The following ADAMTSL4 variants were observed in gnomAD, a reference collection of about 807,000 sequenced individuals.
The protein encoded by ADAMTSL4 is ADAMTS like 4, also known as ADAMTS-like protein 4.
In ADAMTSL4, 97 loss-of-function variants were observed where a neutral mutation model predicts 122.8. The observed-to-expected ratio is 0.79, with a 90% confidence interval of 0.67 to 0.93. The LOEUF (loss-of-function observed/expected upper bound fraction) is 0.93. ADAMTSL4 is among the 40% of genes least tolerant of loss of function. The probability of loss-of-function intolerance (pLI) is 0.00; values close to 1 mark genes in which losing one functional copy is unlikely to be tolerated. For synonymous variants in ADAMTSL4, 592 were observed against 568.0 expected (o/e 1.04, Z -0.60); for missense variants, 1,408 against 1,453.5 (o/e 0.97, Z 0.51).
chr1:150,552,058 C>T lies in ADAMTSL4; in HGVS notation c.-84-147C>T. 1 of 589,064 alleles carries T rather than the reference C, an allele frequency of 1.7e-6. No individual in the cohort carries two copies. The highest frequency in any genetic ancestry group is 1.9e-5 in the African/African-American group (1 of 53,730). 36.5% of individuals were successfully genotyped at this position (589,064 alleles called of 1,614,324 possible). On this transcript the variant is annotated intron_variant, in intron 2 of 18. Transcript: ENST00000271643. This position sits in a 1 kb window ranked among gnomAD's most constrained non-coding sequence, Gnocchi z 4.0. ...TGACCATGTAGCCTCTACAGATGGA[C>T]AAGGCAGTGATCCTCCCTGCTCCCA... is the stretch of plus-strand genomic sequence containing the variant.
rs2101584165 is a variant in ADAMTSL4, at chr1:150,553,938, C to A, written c.947C>A (p.Pro316His). ...PRGRGQQGQG[P>H]WGTGGTPHGP... The stretch of plus-strand genomic sequence containing the variant: ...GGCCGAGGCCAGCAGGGCCAAGGGC[C>A]TTGGGGAACGGGGGGGACTCCTCAC... Residue 316 changes from proline (P) to histidine (H), a missense_variant, in exon 6 of 19, where the codon CCT becomes CAT. Transcript: ENST00000271643. The A allele has an allele frequency of 1.9e-6, 3 of 1,610,806 alleles. No individual in the cohort carries two copies. The highest frequency in any genetic ancestry group is 2.5e-6 in the Non-Finnish European group (3 of 1,178,882).
At position 150,557,995 on chromosome 1, in the gene ADAMTSL4, C is replaced by G. The variant is rs1393481317; in HGVS notation, c.2228C>G (p.Thr743Ser). The G allele has an allele frequency of 6.2e-7, 1 of 1,611,912 alleles. No homozygotes were observed. Among genetic ancestry groups the G allele is most frequent in the African/African-American group, 1.3e-5 (1 of 75,052 alleles). The change falls in exon 14 of 19, where the codon ACC becomes AGC. Residue 743 changes from threonine to serine, a missense_variant. Coordinates refer to ENST00000271643, the MANE Select transcript of ADAMTSL4 (RefSeq NM_019032.6). ...TSCSRSCGPGTQHRQLQCRQE... is the reference protein window; with the variant it reads ...TSCSRSCGPGSQHRQLQCRQE... ...TGCAGCCGCTCCTGTGGCCCCGGCA[C>G]CCAGCACCGCCAGCTGCAGTGCCGG...
Position 150,559,506 on chromosome 1 carries a change from G to C in ADAMTSL4, c.2943+40G>C, listed in dbSNP as rs1197025763. 1.2e-6 allele frequency: 2 copies of C among 1,610,528 alleles called. No homozygotes were observed. Among genetic ancestry groups the C allele is most frequent in the Admixed American group, 1.7e-5 (1 of 59,980 alleles). On this transcript the variant is annotated intron_variant, in intron 17 of 18. Transcript: ENST00000271643. This position sits in a 1 kb window ranked among gnomAD's most constrained non-coding sequence, Gnocchi z 4.1. ...GCGCTGTCCTGCCCTGCTCAGCCTG[G>C]GCCCCTAGGGGAGGGGAGCTCCTCT...
intron 8 of ADAMTSL4, 152 bp downstream of exon 8, chr1:150,555,717 A>ACG (rs1337771546): frequency 9.0e-7 from 1 of 1,105,194 alleles, no homozygotes; most frequent in Non-Finnish European, 1.3e-6. Context: ...ACATGCACAC[A>ACG]CGCACACACA....
In ADAMTSL4 at chr1:150,556,808, AG is replaced by A; in HGVS notation, c.1749+19del. 6.2e-7 allele frequency: 1 copy of A among 1,610,718 alleles called. No homozygotes were observed. Among genetic ancestry groups the A allele is most frequent in the Non-Finnish European group, 8.5e-7 (1 of 1,178,878 alleles). On this transcript the variant is annotated intron_variant, in intron 10 of 18. Transcript: ENST00000271643. The surrounding 1 kb of genome is among the most constrained non-coding windows in gnomAD (Gnocchi z 4.1). ...TGGATGTCTATGTGAGCCTGGGGCC[AG>A]GGGCAGCTGAATGCTGGGGAGGGAG...
rs1671774671 is a variant in ADAMTSL4, at chr1:150,554,332, C to A, written c.1132-33C>A. 1 of 1,602,954 alleles carries A rather than the reference C, an allele frequency of 6.2e-7. No homozygotes were observed. The highest frequency in any genetic ancestry group is 8.5e-7 in the Non-Finnish European group (1 of 1,171,546). Reference sequence around the variant, plus strand: ...CCTGCCCCTACCCTCATTTTGCTCCCCAGCTCTGACTCCTTTGTACCCCTC... The same window carrying A: ...CCTGCCCCTACCCTCATTTTGCTCCACAGCTCTGACTCCTTTGTACCCCTC... On this transcript the variant is annotated intron_variant, in intron 6 of 18. Transcript: ENST00000271643. This position sits in a 1 kb window ranked among gnomAD's most constrained non-coding sequence, Gnocchi z 4.0.
rs770148682 is a variant in ADAMTSL4, at chr1:150,556,321, T to C, written c.1531T>C (p.Leu511=). 5 of 1,614,020 alleles carry C rather than the reference T, an allele frequency of 3.1e-6. No individual in the cohort carries two copies. In the South Asian group the frequency reaches 4.4e-5, roughly 14 times the overall value. ...QKILWIPAGA[L]RLQIAQLRPS... ...GATCTTGTGGATTCCAGCGGGAGCC[T>C]TGCGGCTCCAGATTGCCCAGCTCCG... The change falls in exon 9 of 19, where the codon TTG becomes CTG. Residue 511 remains leucine, a synonymous_variant. Coordinates refer to ENST00000271643, the MANE Select transcript of ADAMTSL4 (RefSeq NM_019032.6). The surrounding 1 kb of genome is among the most constrained non-coding windows in gnomAD (Gnocchi z 4.1).
In ADAMTSL4 at chr1:150,559,492, C is replaced by A. The variant is rs775236578; in HGVS notation, c.2943+26C>A. The A allele has an allele frequency of 6.2e-7, 1 of 1,611,936 alleles. No individual in the cohort carries two copies. The highest frequency in any genetic ancestry group is 1.7e-5 in the Admixed American group (1 of 60,002). ...GTGAGTGTCTGGCTGCGCTGTCCTG[C>A]CCTGCTCAGCCTGGGCCCCTAGGGG... On this transcript the variant is annotated intron_variant, in intron 17 of 18. Transcript: ENST00000271643. The surrounding 1 kb of genome is among the most constrained non-coding windows in gnomAD (Gnocchi z 4.1).
Position 150,552,474 on chromosome 1 carries a change from C to A in ADAMTSL4, c.21-69C>A. On this transcript the variant is annotated intron_variant, in intron 3 of 18. Coordinates refer to ENST00000271643, the MANE Select transcript of ADAMTSL4 (RefSeq NM_019032.6). This position sits in a 1 kb window ranked among gnomAD's most constrained non-coding sequence, Gnocchi z 4.0. Reference sequence around the variant, plus strand: ...TCAGGATATGGGAGCCGGCTGGGGGCGGAGGGCAGTGTTGCAACACCCCCT... The same window carrying A: ...TCAGGATATGGGAGCCGGCTGGGGGAGGAGGGCAGTGTTGCAACACCCCCT... The A allele has an allele frequency of 1.2e-6, 2 of 1,600,954 alleles. No individual in the cohort carries two copies. The highest frequency in any genetic ancestry group is 1.7e-6 in the Non-Finnish European group (2 of 1,168,418).
intron 2 of ADAMTSL4, chr1:150,550,923 G>A: frequency 2.2e-6 from 1 of 456,350 alleles, no homozygotes; most frequent in Non-Finnish European, 4.4e-6. Context: ...CCCAGAGCTG[G>A]CCCACCTCAG....
At chr1:150,555,721 AC>A (rs1671994809) in intron 8 of ADAMTSL4, among the ~76,000 whole-genome samples, 156 bp downstream of exon 8, 2 of 145,730 alleles carry the variant, frequency 1.4e-5, no homozygotes, top group Non-Finnish European at 3.0e-5. Context: ...GCACACACGC[AC>A]ACACACACAC....
rs893870943 is a variant in ADAMTSL4 at position 150,555,506 on chromosome 1, C to T, written c.1312C>T (p.Gln438Ter). ...RFYVRHTEKV[Q>*]DGTLCQPGAP... ...CTATGTCCGTCACACTGAAAAGGTCCAGGATGGGACCCTGTGTCAGCCTGG... is the reference window on the plus strand; with the variant it reads ...CTATGTCCGTCACACTGAAAAGGTCTAGGATGGGACCCTGTGTCAGCCTGG... Residue 438 changes from glutamine to a stop codon, truncating the protein, a stop_gained, in exon 8 of 19, where the codon CAG becomes TAG. Coordinates refer to ENST00000271643, the MANE Select transcript of ADAMTSL4 (RefSeq NM_019032.6). LOFTEE classifies it high-confidence loss of function. 3.1e-6 allele frequency: 5 copies of T among 1,614,066 alleles called. No homozygotes were observed. The highest frequency in any genetic ancestry group is 1.3e-5 in the African/African-American group (1 of 74,946).
intron 2 of ADAMTSL4, chr1:150,551,918 G>T: frequency 2.6e-5 from 7 of 267,450 alleles, no homozygotes; most frequent in Non-Finnish European, 3.5e-5. Flanking sequence ...CCTTTTGTGT[G>T]TGCCTGAGCC....
chr1:150,557,914 C>T (rs201358170), intron 13 of ADAMTSL4, 31 bp from the exon 14 acceptor site: 1,251 of 1,593,844 alleles, frequency 7.8e-4, no homozygotes, highest in Admixed American at 1.1e-3. Flanking sequence ...TCTATGTCTC[C>T]GCCTCTTCCC....
rs1560304529 is a variant in ADAMTSL4, at chr1:150,559,134, CT to C, written c.2734del (p.Trp912GlyfsTer36). 1.2e-6 allele frequency: 2 copies of C among 1,612,812 alleles called. No homozygotes were observed. The highest frequency in any genetic ancestry group is 1.1e-5 in the South Asian group (1 of 91,052). ...TGCAGCCTGGGGCCCTGTGAGAGAACTTGGCGCTGGTACACAGGGCCCTGGG... is the reference window on the plus strand; with the variant it reads ...TGCAGCCTGGGGCCCTGTGAGAGAACTGGCGCTGGTACACAGGGCCCTGGG... ...RACSLGPCER[T>X]WRWYTGPWGE... On this transcript the variant is annotated frameshift_variant, in exon 16 of 19. Coordinates refer to ENST00000271643, the MANE Select transcript of ADAMTSL4 (RefSeq NM_019032.6). LOFTEE classifies it high-confidence loss of function. This position sits in a 1 kb window ranked among gnomAD's most constrained non-coding sequence, Gnocchi z 4.1.
chr1:150,553,106 T>TC lies in ADAMTSL4; in HGVS notation c.292dup (p.Arg98ProfsTer85), dbSNP rs1176579720. 4 of 1,584,086 alleles carry TC rather than the reference T, an allele frequency of 2.5e-6. No homozygotes were observed. Among genetic ancestry groups the TC allele is most frequent in the African/African-American group, 2.8e-5 (2 of 72,534 alleles). On this transcript the variant is annotated frameshift_variant, in exon 5 of 19. Coordinates refer to ENST00000271643, the MANE Select transcript of ADAMTSL4 (RefSeq NM_019032.6). LOFTEE classifies it high-confidence loss of function. ...CCCCCAAGACATCCAGAAGCCCTCC[T>TC]CCCCCGGGGCCAGGGTCCCAGACCC... is the stretch of plus-strand genomic sequence containing the variant.
At chr1:150,550,240 G>A (rs993584417) in intron 2 of ADAMTSL4, 3 of 456,522 alleles carry the variant, frequency 6.6e-6, no homozygotes, top group Non-Finnish European at 1.3e-5. Flanking sequence ...CCTCGTCCTG[G>A]GCCGGGAACG....
chr1:150,552,307 A>C lies in ADAMTSL4; in HGVS notation c.19A>C (p.Arg7=). 4 of 1,555,052 alleles carry C rather than the reference A, an allele frequency of 2.6e-6. No homozygotes were observed. Among genetic ancestry groups the C allele is most frequent in the Non-Finnish European group, 3.5e-6 (4 of 1,148,270 alleles). ...GGGAGCGATGGAGAACTGGACTGGCAGGTGAGAGAAGGGGCCACGGGTTGG... is the reference window on the plus strand; with the variant it reads ...GGGAGCGATGGAGAACTGGACTGGCCGGTGAGAGAAGGGGCCACGGGTTGG... MENWTG[R]PWLYLLLLLS... Residue 7 remains arginine, a splice_region_variant and synonymous_variant, in exon 3 of 19, where the codon AGG becomes CGG. Transcript: ENST00000271643. The surrounding 1 kb of genome is among the most constrained non-coding windows in gnomAD (Gnocchi z 4.0).
At chr1:150,560,022 G>A in intron 18 of ADAMTSL4, 38 bp from the exon 19 acceptor site, 1 of 1,614,050 alleles carries the variant, frequency 6.2e-7, no homozygotes, top group Non-Finnish European at 8.5e-7. Flanking sequence ...GTGGGTCCTG[G>A]TGACTCTCTT....
Sources: allele counts gnomAD v4.1 joint callset (sites outside exome capture counted in the v4.1 genomes callset), GRCh38; gene constraint gnomAD v4.1.1; non-coding constraint Gnocchi (gnomAD v3.1); transcripts MANE v1.5; gene names NCBI Gene and HGNC (gene_info 2026-07-23, HGNC 2026-07-21).